ZNF831: variants seen among roughly 807,000 people sequenced by gnomAD.
The protein encoded by ZNF831 is zinc finger protein 831.
A neutral mutation model predicts 95.8 loss-of-function variants in ZNF831; 59 were observed. The observed-to-expected ratio is 0.62, with a 90% CI of 0.50 to 0.77. The LOEUF (loss-of-function observed/expected upper bound fraction) is 0.77, where lower values mean the gene tolerates loss of function less well. Ranked by LOEUF, ZNF831 falls within the 30% of genes least tolerant of loss-of-function variation. The pLI is 0.00. For synonymous variants in ZNF831, 961 were observed against 925.5 expected, an observed-to-expected ratio of 1.04 and a Z score of -0.70; for missense variants, 2,205 against 2,164.0, an observed-to-expected ratio of 1.02 and a Z score of -0.38.
chr20:59,125,617 A>G (rs1230324656), intron 1 of ZNF831, among the ~76,000 whole-genome samples: 2 of 152,174 alleles, frequency 1.3e-5, no homozygotes, highest in African/African-American at 4.8e-5. Context: ...GAGACAGAGT[A>G]GGAGGTGTTA....
In ZNF831 at chr20:59,193,416, C is replaced by G. The variant is rs2146582946; in HGVS notation, c.2397C>G (p.Cys799Trp). The stretch of plus-strand genomic sequence containing the variant: ...GTGTGGGGGATGTTCAGGAGACCTG[C>G]CTGTGGGCCCAGACTGTCCTGAGAT... ...ARGVGDVQET[C>W]LWAQTVLRWP... The change falls in exon 2 of 6, where the codon TGC becomes TGG. Residue 799 changes from cysteine to tryptophan, a missense_variant. Transcript: ENST00000371030. The G allele has an allele frequency of 1.3e-6, 2 of 1,598,626 alleles. No individual in the cohort carries two copies. Among genetic ancestry groups the G allele is most frequent in the Non-Finnish European group, 1.7e-6 (2 of 1,172,894 alleles).
intron 4 of ZNF831, among the ~76,000 whole-genome samples, chr20:59,240,191 C>A (rs1376978111): frequency 2.0e-5 from 3 of 151,570 alleles, no homozygotes; most frequent in African/African-American, 7.3e-5. Flanking sequence ...ACAAGATTCC[C>A]CTCCTGCGGC....
chr20:59,178,983 C>T (rs548183788), intron 1 of ZNF831, among the ~76,000 whole-genome samples: 2 of 152,278 alleles, frequency 1.3e-5, no homozygotes, highest in South Asian at 4.1e-4. Flanking sequence ...ATGTCGTGTC[C>T]TTTTACCCAT....
At position 59,192,897 on chromosome 20, in the gene ZNF831, G is replaced by T. The variant is rs1224281818; in HGVS notation, c.1878G>T (p.Glu626Asp). The T allele has an allele frequency of 1.3e-6, 2 of 1,596,862 alleles. No individual in the cohort carries two copies. Among genetic ancestry groups the T allele is most frequent in the Non-Finnish European group, 1.7e-6 (2 of 1,172,602 alleles). Residue 626 changes from glutamate (E) to aspartate (D), a missense_variant, in exon 2 of 6, where the codon GAG (glutamate) becomes GAT (aspartate). Physicochemically the swap from Glu to Asp is conservative, Grantham distance 45. Transcript: ENST00000371030. The surrounding 1 kb of genome is among the most constrained non-coding windows in gnomAD (Gnocchi z 5.2). Reference protein sequence around the residue: ...SQEKWQVYGDETFKRIYQKMK... With the variant: ...SQEKWQVYGDDTFKRIYQKMK... ...AGAAGTGGCAGGTGTACGGGGATGA[G>T]ACGTTCAAAAGGATCTACCAGAAAA...
rs533614034 is a variant in ZNF831, at chr20:59,252,227, G to T, written c.4028-751G>T. On this transcript the variant is annotated intron_variant, in intron 4 of 5. Coordinates refer to ENST00000371030, the MANE Select transcript of ZNF831 (RefSeq NM_178457.3). ...ACAGTTAGGCTTGACTTTTCAGACT[G>T]CACATGTGTACCTTTCATCAAAATA... Among the ~76,000 whole-genome samples the T allele has an allele frequency of 2.0e-4, 30 of 152,306 alleles. 2 individuals are homozygous for T. Among genetic ancestry groups the T allele is most frequent in the Admixed American group, 1.8e-3 (28 of 15,290 alleles).
intron 1 of ZNF831, among the ~76,000 whole-genome samples, chr20:59,126,927 T>C (rs236719): frequency 0.78 from 118,003 of 152,088 alleles, 47,292 homozygotes; most frequent in East Asian, 0.95. Flanking sequence ...GTGGAGAGTG[T>C]GGCTTTGAGC....
intron 4 of ZNF831, among the ~76,000 whole-genome samples, chr20:59,223,841 C>T (rs1408705428): frequency 6.6e-6 from 1 of 151,870 alleles, no homozygotes; most frequent in Non-Finnish European, 1.5e-5. Flanking sequence ...CACGCACGGA[C>T]GTGCACTTGC....
intron 1 of ZNF831, among the ~76,000 whole-genome samples, chr20:59,189,728 C>T (rs1366928054): frequency 6.6e-6 from 1 of 152,214 alleles, no homozygotes; most frequent in Non-Finnish European, 1.5e-5. Context: ...ACAGGCTGGT[C>T]TTGAACTCCT....
In ZNF831 at chr20:59,208,280, T is replaced by C. The variant is rs532518010; in HGVS notation, c.4027+1224T>C. 2.2e-4 allele frequency among the ~76,000 whole-genome samples: 34 copies of C among 152,290 alleles called. No homozygotes were observed. The highest frequency in any genetic ancestry group is 6.8e-3 in the Middle Eastern group (2 of 294). ...CCTCTGTATCCAGCGAAATTGCCCA[T>C]TGGGCTGTGCTTGATACTGCCACGC... On this transcript the variant is annotated intron_variant, in intron 4 of 5. Coordinates refer to ENST00000371030, the MANE Select transcript of ZNF831 (RefSeq NM_178457.3). This position sits in a 1 kb window ranked among gnomAD's most constrained non-coding sequence, Gnocchi z 4.2.
chr20:59,225,024 CTCTTTATTAG>C (rs1184362229), intron 4 of ZNF831, among the ~76,000 whole-genome samples: 3 of 151,468 alleles, frequency 2.0e-5, no homozygotes, highest in Non-Finnish European at 4.4e-5. Flanking sequence ...GGGGGAAAAG[CTCTTTATTAG>C]TCTTTTCATT....
intron 3 of ZNF831, among the ~76,000 whole-genome samples, 179 bp from the exon 4 acceptor site, chr20:59,206,726 C>T (rs562502200): frequency 6.8e-4 from 103 of 151,540 alleles, no homozygotes; most frequent in African/African-American, 2.2e-3. Context: ...TGAAGCTAGG[C>T]GCATTATCCT....
At chr20:59,163,014 G>GGTGTGTGTGTGT (rs58451639), upstream of ZNF831, among the ~76,000 whole-genome samples, 9 of 136,456 alleles carry the variant, frequency 6.6e-5, no homozygotes, top group African/African-American at 8.2e-5. Context: ...TGTATTCCTA[G>GGTGTGTGTGTGT]GTGTGTGTGT....
intron 1 of ZNF831, among the ~76,000 whole-genome samples, chr20:59,185,805 C>T (rs1982978880): frequency 6.6e-6 from 1 of 152,202 alleles, no homozygotes; most frequent in African/African-American, 2.4e-5. Context: ...CCTCCCCACC[C>T]ATGACCATTA....
intron 3 of ZNF831, among the ~76,000 whole-genome samples, chr20:59,197,436 C>T (rs894869779): frequency 3.3e-5 from 5 of 152,146 alleles, no homozygotes; most frequent in African/African-American, 4.8e-5. Flanking sequence ...TTGAACCAGC[C>T]GGTCTCCTTC....
chr20:59,149,618 G>A (rs550068900), intron 2 of ZNF831, among the ~76,000 whole-genome samples: 2 of 152,350 alleles, frequency 1.3e-5, no homozygotes, highest in East Asian at 1.9e-4. Flanking sequence ...CTGAGTGAGC[G>A]CCAAAAGCCT....
chr20:59,197,319 G>T (rs906689814), intron 3 of ZNF831, among the ~76,000 whole-genome samples: 9 of 152,088 alleles, frequency 5.9e-5, no homozygotes, highest in African/African-American at 1.9e-4. Flanking sequence ...TGTTTCAGGA[G>T]ATCCCACAAG....
intron 1 of ZNF831, among the ~76,000 whole-genome samples, chr20:59,175,087 A>G (rs1380338569): frequency 6.6e-6 from 1 of 152,162 alleles, no homozygotes; most frequent in Non-Finnish European, 1.5e-5. Flanking sequence ...TTCTGATGAG[A>G]ACCTGCTTTC....
rs183193517 is a variant in ZNF831, at chr20:59,201,963, C to G, written c.3876-4942C>G. On this transcript the variant is annotated intron_variant, in intron 3 of 5. Transcript: ENST00000371030. ...GTCTTTTCAACAAATGGTTCCAGAC[C>G]TGGAAAATTTCTCCATCAATAAGTT... Among the ~76,000 whole-genome samples the G allele has an allele frequency of 2.9e-3, 441 of 152,284 alleles. 9 individuals are homozygous for G. Among genetic ancestry groups the G allele is most frequent in the Admixed American group, 0.025 (389 of 15,298 alleles).
chr20:59,253,940 C>T lies in ZNF831; in HGVS notation c.4231C>T (p.His1411Tyr), dbSNP rs367953655. ...SAGEHGDCTT[H>Y]STAATSGLSL... is the part of the protein sequence containing the mutation. ...TGGTGAGCATGGTGACTGTACTACT[C>T]ACAGCACTGCTGCCACATCAGGATT... Residue 1411 changes from histidine to tyrosine, a missense_variant, in exon 6 of 6, where the codon CAC becomes TAC. Transcript: ENST00000371030. 6.6e-7 allele frequency: 1 copy of T among 1,523,274 alleles called. No individual in the cohort carries two copies. 94.4% of individuals were successfully genotyped at this position (1,523,274 alleles called of 1,614,324 possible). A position where few individuals can be genotyped will look rare whatever the true frequency, so the allele number is the denominator to read the frequency against.
Sources: gnomAD v4.1 joint callset for allele counts (sites outside exome capture counted in the v4.1 genomes callset) on GRCh38, gnomAD v4.1.1 for gene constraint, Gnocchi (gnomAD v3.1) non-coding constraint, MANE v1.5 for transcripts, NCBI Gene and HGNC (gene_info 2026-07-23, HGNC 2026-07-21) for gene names.